The following RNF24 variants were observed in gnomAD, a reference collection of about 807,000 sequenced individuals.
The protein encoded by RNF24 is ring finger protein 24.
Under a neutral mutation model 20.0 loss-of-function variants are expected in RNF24, and 14 were observed. The observed-to-expected ratio is 0.70, with a 90% CI of 0.46 to 1.10. The LOEUF is 1.10. Among genes scored for constraint, RNF24 ranks in the 50% least tolerant of loss-of-function variants. RNF24 has a pLI of 0.00. For missense variants in RNF24, 124 were observed against 177.6 expected (o/e 0.70, Z 1.71); for synonymous variants, 45 against 61.1 (o/e 0.74, Z 1.23).
At chr20:3,984,807 T>G (rs1280083247) in intron 1 of RNF24, among the ~76,000 whole-genome samples, 5 of 152,156 alleles carry the variant, frequency 3.3e-5, no homozygotes, top group Admixed American at 6.5e-5. Flanking sequence ...CTTTTTTTTT[T>G]TCTTTCAAAT....
At position 3,931,749 on chromosome 20, in the gene RNF24, G is replaced by A. The variant is rs1483614549; in HGVS notation, c.*2314C>T. Reference sequence around the variant, plus strand: ...CACATGTGCTGAGAAGGTTGTTAGTGGTCCCTCATCTGGGCAAAGCAGACC... The same window carrying A: ...CACATGTGCTGAGAAGGTTGTTAGTAGTCCCTCATCTGGGCAAAGCAGACC... On this transcript the variant is annotated 3_prime_UTR_variant, in exon 6 of 6. Transcript: ENST00000358395. 6.6e-6 allele frequency: 1 copy of A among 152,240 alleles called. No individual in the cohort carries two copies. The highest frequency in any genetic ancestry group is 2.4e-5 in the African/African-American group (1 of 41,454). 9.4% of individuals were successfully genotyped at this position (152,240 alleles called of 1,614,324 possible). A position where few individuals can be genotyped will look rare whatever the true frequency, so the allele number is the denominator to read the frequency against.
intron 4 of RNF24, among the ~76,000 whole-genome samples, chr20:3,944,915 A>C (rs1735643118): frequency 1.3e-5 from 2 of 152,202 alleles, no homozygotes; most frequent in African/African-American, 2.4e-5. Flanking sequence ...TTTCCTATTC[A>C]TACAGCATGG....
At chr20:3,992,252 T>C (rs1055768339) in intron 1 of RNF24, among the ~76,000 whole-genome samples, 2 of 152,226 alleles carry the variant, frequency 1.3e-5, no homozygotes, top group African/African-American at 4.8e-5. Flanking sequence ...GTTTTGGCAT[T>C]AGACTGACAT....
intron 1 of RNF24, among the ~76,000 whole-genome samples, chr20:4,001,622 G>A (rs932342642): frequency 3.9e-5 from 6 of 152,136 alleles, no homozygotes; most frequent in Non-Finnish European, 8.8e-5. Context: ...AGCAGAATGT[G>A]TAAGATTTGT....
intron 1 of RNF24, among the ~76,000 whole-genome samples, chr20:3,972,898 G>A (rs375169753): frequency 6.8e-6 from 1 of 147,714 alleles, no homozygotes; most frequent in African/African-American, 2.5e-5. Context: ...GTGAGACTCC[G>A]TCTCAGTTTA....
rs557179474 is a variant in RNF24, at chr20:3,937,504, A to G, written c.229-2431T>C. Among the ~76,000 whole-genome samples, 3 of 152,314 alleles carry G rather than the reference A, an allele frequency of 2.0e-5. No individual in the cohort carries two copies. In the South Asian group the frequency reaches 6.2e-4, roughly 32 times the overall value. On this transcript the variant is annotated intron_variant, in intron 4 of 5. Coordinates refer to ENST00000358395, the MANE Select transcript of RNF24 (RefSeq NM_001134337.3). ...CAGTACAATTCAGCAGTTTTTAGGT[A>G]TATATGTGCAGCCATCTTTACAATC...
chr20:3,964,338 CA>C (rs1568633461), intron 1 of RNF24, among the ~76,000 whole-genome samples: 2 of 151,828 alleles, frequency 1.3e-5, no homozygotes, highest in Admixed American at 6.6e-5. Context: ...CAGAGAAGTG[CA>C]AAAAGAAAAA....
In RNF24 at chr20:3,963,884, T is replaced by C. The variant is rs760966169; in HGVS notation, c.134A>G (p.Tyr45Cys). 1 of 1,577,874 alleles carries C rather than the reference T, an allele frequency of 6.3e-7. No individual in the cohort carries two copies. Among genetic ancestry groups the C allele is most frequent in the Non-Finnish European group, 8.6e-7 (1 of 1,161,136 alleles). ...VFILSLLFCC[Y>C]LIRLRHQAHK... The stretch of plus-strand genomic sequence containing the variant: ...AATGAAAATTGGTTACCTAATCAAG[T>C]AGCAACAGAAGAGTAAACTAAGGAT... The change falls in exon 2 of 6, where the codon TAC (tyrosine) becomes TGC (cysteine). Residue 45 changes from tyrosine (Y) to cysteine (C), a missense_variant. Transcript: ENST00000358395.
intron 1 of RNF24, among the ~76,000 whole-genome samples, chr20:3,992,657 G>A (rs1297036929): frequency 6.6e-6 from 1 of 151,882 alleles, no homozygotes; most frequent in Admixed American, 6.6e-5. Context: ...TTGGTAGACT[G>A]GACATTGTAT....
intron 4 of RNF24, among the ~76,000 whole-genome samples, chr20:3,943,399 G>T (rs968828987): frequency 1.3e-5 from 2 of 151,692 alleles, no homozygotes; most frequent in African/African-American, 2.4e-5. Context: ...GGAAAAGAAT[G>T]AGGTTGGAAG....
intron 1 of RNF24, among the ~76,000 whole-genome samples, chr20:3,995,275 G>A (rs1307812673): frequency 3.9e-5 from 6 of 152,106 alleles, no homozygotes; most frequent in Non-Finnish European, 7.3e-5. Flanking sequence ...TGTGAGGCTG[G>A]CATTGGGGTT....
At chr20:3,967,973 CAAAAAAAAA>C (rs58984163) in intron 1 of RNF24, among the ~76,000 whole-genome samples, 16 of 77,166 alleles carry the variant, frequency 2.1e-4, no homozygotes, top group Non-Finnish European at 3.5e-4. Flanking sequence ...AGCCTGGCAA[CAAAAAAAAA>C]AAAAAAAAAA....
At chr20:3,937,001 C>A (rs1489587228) in intron 4 of RNF24, among the ~76,000 whole-genome samples, 1 of 152,008 alleles carries the variant, frequency 6.6e-6, no homozygotes, top group Non-Finnish European at 1.5e-5. Flanking sequence ...CCATACCCGG[C>A]TAATTTTTTA....
intron 1 of RNF24, among the ~76,000 whole-genome samples, chr20:4,005,146 T>C (rs1981749633): frequency 6.6e-6 from 1 of 152,200 alleles, no homozygotes; most frequent in African/African-American, 2.4e-5. Context: ...GACCCTGAAC[T>C]TGTAAACCTG....
intron 4 of RNF24, among the ~76,000 whole-genome samples, chr20:3,936,961 C>G (rs771058986): frequency 2.0e-5 from 3 of 152,054 alleles, no homozygotes; most frequent in Admixed American, 2.0e-4. Flanking sequence ...CTCAGACTCC[C>G]GAATAGCTGG....
intron 1 of RNF24, among the ~76,000 whole-genome samples, chr20:4,002,019 G>A (rs763519368): frequency 3.9e-5 from 6 of 152,030 alleles, no homozygotes; most frequent in Non-Finnish European, 8.8e-5. Context: ...TTGGGAGGCC[G>A]AGGCAGGCAG....
chr20:3,958,529 G>A (rs1341661708), intron 2 of RNF24, among the ~76,000 whole-genome samples: 2 of 152,166 alleles, frequency 1.3e-5, no homozygotes, highest in Non-Finnish European at 2.9e-5. Context: ...AAACCTTATT[G>A]TCAAATGTAA....
intron 1 of RNF24, among the ~76,000 whole-genome samples, chr20:4,008,414 A>G (rs1600725198): frequency 2.4e-5 from 1 of 41,104 alleles, no homozygotes; most frequent in African/African-American, 8.4e-5. Context: ...TGTATAATAT[A>G]TATATTATAT....
In RNF24 at chr20:3,934,991, T is replaced by G. The variant is rs1440428988; in HGVS notation, c.308+3A>C. On this transcript the variant is annotated splice_donor_region_variant and intron_variant, in intron 5 of 5. Coordinates refer to ENST00000358395, the MANE Select transcript of RNF24 (RefSeq NM_001134337.3). This position sits in a 1 kb window ranked among gnomAD's most constrained non-coding sequence, Gnocchi z 4.0. Reference sequence around the variant, plus strand: ...CATTAAGTAATTCCATACCAATACTTACTTTCTGTGGAAGGCGTGCTTACA... The same window carrying G: ...CATTAAGTAATTCCATACCAATACTGACTTTCTGTGGAAGGCGTGCTTACA... 7 of 1,613,320 alleles carry G rather than the reference T, an allele frequency of 4.3e-6. No individual in the cohort carries two copies. The highest frequency in any genetic ancestry group is 5.9e-6 in the Non-Finnish European group (7 of 1,179,390).
Sources: allele counts gnomAD v4.1 joint callset (sites outside exome capture counted in the v4.1 genomes callset), GRCh38; gene constraint gnomAD v4.1.1; non-coding constraint Gnocchi (gnomAD v3.1); transcripts MANE v1.5; gene names NCBI Gene and HGNC (gene_info 2026-07-23, HGNC 2026-07-21).